Variants in KIF24 observed in about 807,000 individuals in gnomAD.
KIF24 encodes the protein kinesin-like protein KIF24.
A neutral mutation model predicts 118.9 loss-of-function variants in KIF24; 81 were observed. The observed-to-expected ratio is 0.68, with a 90% CI of 0.57 to 0.82. The LOEUF (loss-of-function observed/expected upper bound fraction) is 0.82, where lower values mean the gene tolerates loss of function less well. Among genes scored for constraint, KIF24 ranks in the 40% least tolerant of loss-of-function variants. KIF24 has a pLI of 0.00. For synonymous variants in KIF24, 599 were observed against 610.0 expected (o/e 0.98, Z 0.27); for missense variants, 1,560 against 1,661.6 (o/e 0.94, Z 1.06).
intron 3 of KIF24, among the ~76,000 whole-genome samples, chr9:34,300,822 T>C (rs1836671092): frequency 7.2e-6 from 1 of 138,994 alleles, no homozygotes; most frequent in South Asian, 2.2e-4. Context: ...TATAGTTATC[T>C]ATAGATGTGG....
chr9:34,323,221 A>G (rs1028993325), intron 1 of KIF24, among the ~76,000 whole-genome samples: 2 of 152,208 alleles, frequency 1.3e-5, no homozygotes, highest in African/African-American at 4.8e-5. Flanking sequence ...TCCATTTTTA[A>G]AAAGTAGTTT....
In KIF24 at chr9:34,297,090, A is replaced by G. The variant is rs1482212648; in HGVS notation, c.838T>C (p.Phe280Leu). The change falls in exon 4 of 13, where the codon TTT becomes CTT. Residue 280 changes from phenylalanine (F) to leucine (L), a missense_variant. Around this residue, in one of 3 missense-constraint regions of KIF24, gnomAD observed 964 missense variants for 988.0 expected, o/e 0.98. Coordinates refer to ENST00000402558, the MANE Select transcript of KIF24 (RefSeq NM_194313.4). ...LQHVFYFDEV[F>L]GEACTNQDVY... Reference sequence around the variant, plus strand: ...TCCTGATTGGTGCACGCCTCACCAAAGACTTCATCAAAATAAAAAACATGC... The same window carrying G: ...TCCTGATTGGTGCACGCCTCACCAAGGACTTCATCAAAATAAAAAACATGC... 6.3e-7 allele frequency: 1 copy of G among 1,582,336 alleles called. No individual in the cohort carries two copies. Among genetic ancestry groups the G allele is most frequent in the African/African-American group, 1.3e-5 (1 of 74,536 alleles).
chr9:34,284,762 G>A (rs960045025), intron 6 of KIF24, among the ~76,000 whole-genome samples: 1 of 152,186 alleles, frequency 6.6e-6, no homozygotes, highest in African/African-American at 2.4e-5. Context: ...CAGGGGGTTT[G>A]TAGGGTGCTA....
intron 6 of KIF24, among the ~76,000 whole-genome samples, chr9:34,275,423 C>T (rs368323193): frequency 3.9e-5 from 6 of 151,988 alleles, no homozygotes; most frequent in Admixed American, 2.6e-4. Context: ...TTATTTGAGG[C>T]CAGGCCTGGT....
intron 2 of KIF24, among the ~76,000 whole-genome samples, chr9:34,308,537 G>T (rs1837019036): frequency 1.3e-5 from 2 of 152,174 alleles, no homozygotes; most frequent in South Asian, 4.1e-4. Context: ...ACCCGCCTTG[G>T]CCTCCCAAAG....
intron 6 of KIF24, among the ~76,000 whole-genome samples, chr9:34,285,083 G>A (rs963284480): frequency 6.6e-6 from 1 of 152,042 alleles, no homozygotes; most frequent in Admixed American, 6.6e-5. Flanking sequence ...CAGGGGAAGT[G>A]GGGTATGTAT....
chr9:34,286,333 C>G (rs1156798834), intron 6 of KIF24, among the ~76,000 whole-genome samples: 1 of 152,104 alleles, frequency 6.6e-6, no homozygotes, highest in East Asian at 1.9e-4. Flanking sequence ...GACTCCATCT[C>G]AAAACAACAA....
chr9:34,318,830 G>A lies in KIF24; in HGVS notation c.-25-7459C>T, dbSNP rs1275578299. On this transcript the variant is annotated intron_variant, in intron 1 of 12. Coordinates refer to ENST00000402558, the MANE Select transcript of KIF24 (RefSeq NM_194313.4). The surrounding 1 kb of genome is among the most constrained non-coding windows in gnomAD (Gnocchi z 4.9). ...GTAGGGACCCAGCTCAGTGAGTTTC[G>A]CTGATGACTTCGTGCGCAGCAGCAA... The A allele has an allele frequency of 3.3e-5, 52 of 1,591,340 alleles. No homozygotes were observed. Among genetic ancestry groups the A allele is most frequent in the Non-Finnish European group, 3.9e-5 (45 of 1,161,040 alleles).
rs374477873 is a variant in KIF24, at chr9:34,269,240, G to A, written c.1443+17C>T. The A allele has an allele frequency of 1.3e-5, 19 of 1,469,158 alleles. No individual in the cohort carries two copies. The African/African-American group carries it at 2.1e-4, about 16-fold the overall frequency. The allele number at this position is 1,469,158 out of a possible 1,614,324, so 91.0% of individuals were successfully genotyped here. ...TTTCAAGAAGGATTTTTAGATTAAAGATTTTGAACAACTTACAGCCAGTAG... is the reference window on the plus strand; with the variant it reads ...TTTCAAGAAGGATTTTTAGATTAAAAATTTTGAACAACTTACAGCCAGTAG... On this transcript the variant is annotated intron_variant, in intron 8 of 12. Transcript: ENST00000402558.
chr9:34,255,687 G>A (rs1365124317), intron 11 of KIF24, 48 bp downstream of exon 11: 4 of 1,483,406 alleles, frequency 2.7e-6, no homozygotes, highest in African/African-American at 2.8e-5. Context: ...CTGGAGTGGA[G>A]GGTGGGTGCC....
chr9:34,254,397 C>T lies in KIF24; in HGVS notation c.4090G>A (p.Gly1364Arg), dbSNP rs148816416. ...TCHGPTAAPE[G>R]TVPS ...GTCTGGCTCTAAGACGGCACTGTTC[C>T]CTCAGGGGCTGCGGTGGGCCCGTGG... is the stretch of plus-strand genomic sequence containing the variant. The change falls in exon 13 of 13, where the codon GGA becomes AGA. Residue 1364 changes from glycine (G) to arginine (R), a missense_variant. Gly to Arg is a moderately radical substitution (Grantham distance 125, BLOSUM62 -2). Transcript: ENST00000402558. 8 of 1,613,348 alleles carry T rather than the reference C, an allele frequency of 5.0e-6. No homozygotes were observed. In the African/African-American group the frequency reaches 9.3e-5, roughly 19 times the overall value.
intron 2 of KIF24, among the ~76,000 whole-genome samples, chr9:34,307,918 A>G (rs1166828423): frequency 6.7e-6 from 1 of 150,316 alleles, no homozygotes; most frequent in Non-Finnish European, 1.5e-5. Context: ...ACATATTGGG[A>G]TTCAGTGTTC....
At chr9:34,292,343 C>T (rs1295382188) in intron 4 of KIF24, among the ~76,000 whole-genome samples, 1 of 152,150 alleles carries the variant, frequency 6.6e-6, no homozygotes, top group African/African-American at 2.4e-5. Context: ...CACCCTTTCC[C>T]CTGTAAATTT....
rs1020642944 is a variant in KIF24 at position 34,253,371 on chromosome 9, T to C, written c.*1009A>G. Reference sequence around the variant, plus strand: ...CTACTTTGTCTTCCCTGTCCTGAGCTGCTTCCTGCTAAAAAGATACACAGC... The same window carrying C: ...CTACTTTGTCTTCCCTGTCCTGAGCCGCTTCCTGCTAAAAAGATACACAGC... On this transcript the variant is annotated 3_prime_UTR_variant, in exon 13 of 13. Transcript: ENST00000402558. 1.3e-5 allele frequency: 2 copies of C among 152,282 alleles called. No individual in the cohort carries two copies. The highest frequency in any genetic ancestry group is 2.9e-5 in the Non-Finnish European group (2 of 68,066). 9.4% of individuals were successfully genotyped at this position (152,282 alleles called of 1,614,324 possible). A position where few individuals can be genotyped will look rare whatever the true frequency, so the allele number is the denominator to read the frequency against.
At chr9:34,291,543 T>A (rs1400325521) in intron 4 of KIF24, among the ~76,000 whole-genome samples, 1 of 152,246 alleles carries the variant, frequency 6.6e-6, no homozygotes. Context: ...TGCTCTTGTA[T>A]GTGGTTACAT....
At chr9:34,264,794 A>C (rs1220910221) in intron 8 of KIF24, among the ~76,000 whole-genome samples, 1 of 151,988 alleles carries the variant, frequency 6.6e-6, no homozygotes, top group Non-Finnish European at 1.5e-5. Context: ...CACCCTCCCA[A>C]CTTACCCCTC....
At chr9:34,320,178 G>C (rs902910983) in intron 1 of KIF24, among the ~76,000 whole-genome samples, 1 of 152,032 alleles carries the variant, frequency 6.6e-6, no homozygotes, top group African/African-American at 2.4e-5. Context: ...CAGGCTTCTG[G>C]GCAGACTCTG....
rs1563936565 is a variant in KIF24, at chr9:34,262,670, A to T, written c.1515+431T>A. Among the ~76,000 whole-genome samples, 152 of 43,510 alleles carry T rather than the reference A, an allele frequency of 3.5e-3. 1 individual carries two copies. Among genetic ancestry groups the T allele is most frequent in the Middle Eastern group, 0.01 (1 of 100 alleles). The allele number at this position is 43,510 out of a possible 152,430, so 28.5% of individuals were successfully genotyped here. On this transcript the variant is annotated intron_variant, in intron 9 of 12. Coordinates refer to ENST00000402558, the MANE Select transcript of KIF24 (RefSeq NM_194313.4). Reference sequence around the variant, plus strand: ...AAAAAAAAAAAAAAAAAAAAAAAAAAAAAAAATATATATATATATATATAT... The same window carrying T: ...AAAAAAAAAAAAAAAAAAAAAAAAATAAAAAATATATATATATATATATAT...
At chr9:34,323,351 C>T (rs960847259) in intron 1 of KIF24, among the ~76,000 whole-genome samples, 1 of 152,158 alleles carries the variant, frequency 6.6e-6, no homozygotes, top group Non-Finnish European at 1.5e-5. Context: ...GAGTTTACTA[C>T]GTTTTTACAT....
Sources: allele counts gnomAD v4.1 joint callset (sites outside exome capture counted in the v4.1 genomes callset), GRCh38; gene constraint gnomAD v4.1.1; regional missense constraint gnomAD v4.1.1; non-coding constraint Gnocchi (gnomAD v3.1); transcripts MANE v1.5; gene names NCBI Gene and HGNC (gene_info 2026-07-23, HGNC 2026-07-21).